C10orf67: variants seen among roughly 807,000 people sequenced by gnomAD.
C10orf67 encodes uncharacterized protein C10orf67, mitochondrial.
A neutral mutation model predicts 35.6 loss-of-function variants in C10orf67; 60 were observed. The observed-to-expected ratio is 1.68, with a 90% CI of 1.37 to 2.09. The LOEUF (loss-of-function observed/expected upper bound fraction) is 2.09. Ranked by LOEUF, C10orf67 falls within the 30% of genes most tolerant of loss-of-function variation. The pLI is 0.00. For synonymous variants in C10orf67, 167 were observed against 115.8 expected (o/e 1.44, Z -2.84); for missense variants, 474 against 330.2 (o/e 1.44, Z -3.38).
In C10orf67 at chr10:23,229,612, T is replaced by G. The variant is rs181553632; in HGVS notation, c.1435-5794A>C. 1.2e-3 allele frequency among the ~76,000 whole-genome samples: 182 copies of G among 152,234 alleles called. 2 individuals are homozygous for G. The highest frequency in any genetic ancestry group is 4.3e-3 in the African/African-American group (178 of 41,562). ...ATAAAAAAAGTTTGTCATTACATAA[T>G]GGTAAAATGTTCAATTTCCCAGGAA... On this transcript the variant is annotated intron_variant, in intron 13 of 15. Coordinates refer to ENST00000636213, the MANE Select transcript of C10orf67 (RefSeq NM_001371909.1).
chr10:23,276,609 T>C (rs1177136334), intron 8 of C10orf67, among the ~76,000 whole-genome samples: 31 of 152,160 alleles, frequency 2.0e-4, no homozygotes, highest in Admixed American at 2.0e-3. Flanking sequence ...CTGTTAATTT[T>C]CTTCTTGTAA....
intron 9 of C10orf67, among the ~76,000 whole-genome samples, chr10:23,266,954 A>G (rs940763724): frequency 6.6e-6 from 1 of 152,170 alleles, no homozygotes; most frequent in African/African-American, 2.4e-5. Flanking sequence ...TGTGTTGCGC[A>G]GGCTGGTCTT....
chr10:23,326,867 C>T (rs981648275), intron 2 of C10orf67, among the ~76,000 whole-genome samples: 5 of 151,828 alleles, frequency 3.3e-5, no homozygotes, highest in African/African-American at 4.8e-5. Context: ...TGGGAAAGAA[C>T]GATGAGCAAA....
At chr10:23,301,633 T>C (rs530645674) in intron 5 of C10orf67, among the ~76,000 whole-genome samples, 3 of 152,104 alleles carry the variant, frequency 2.0e-5, no homozygotes, top group African/African-American at 7.2e-5. Context: ...TGTTCTCTGA[T>C]CTGGGGTTCT....
At chr10:23,225,219 A>C (rs1212797022) in intron 13 of C10orf67, among the ~76,000 whole-genome samples, 1 of 152,220 alleles carries the variant, frequency 6.6e-6, no homozygotes, top group Non-Finnish European at 1.5e-5. Context: ...AATATTCAAC[A>C]TTCTTAAAGA....
chr10:23,343,641 G>A (rs951927944), intron 1 of C10orf67, among the ~76,000 whole-genome samples: 2 of 152,192 alleles, frequency 1.3e-5, no homozygotes, highest in Admixed American at 1.3e-4. Flanking sequence ...AGAGCAGTCA[G>A]TCGCCTAACT....
rs7091073 is a variant in C10orf67, at chr10:23,216,301, A to G, written c.1570+7297T>C. Among the ~76,000 whole-genome samples, 854 of 152,344 alleles carry G rather than the reference A, an allele frequency of 5.6e-3. 6 individuals carry two copies. Among genetic ancestry groups the G allele is most frequent in the African/African-American group, 0.019 (805 of 41,596 alleles). The stretch of plus-strand genomic sequence containing the variant: ...TTAGTTATCAGGGAATTTCAAAAAA[A>G]GAATAAAATGCAAATTCACACCCAT... On this transcript the variant is annotated intron_variant, in intron 15 of 15. Coordinates refer to ENST00000636213, the MANE Select transcript of C10orf67 (RefSeq NM_001371909.1).
chr10:23,304,886 T>C (rs1844217298), intron 4 of C10orf67, among the ~76,000 whole-genome samples: 1 of 152,210 alleles, frequency 6.6e-6, no homozygotes. Flanking sequence ...AGTTTATTCT[T>C]TCCAGGGGCC....
intron 8 of C10orf67, among the ~76,000 whole-genome samples, chr10:23,269,558 T>C (rs1461095903): frequency 6.6e-6 from 1 of 152,064 alleles, no homozygotes; most frequent in Admixed American, 6.6e-5. Context: ...ATAGTAACAG[T>C]GAATGATGAA....
intron 10 of C10orf67, among the ~76,000 whole-genome samples, chr10:23,251,467 G>A (rs1339681241): frequency 6.6e-5 from 10 of 152,134 alleles, no homozygotes; most frequent in African/African-American, 2.4e-4. Context: ...TATCAATAAT[G>A]TTTATATTTT....
At chr10:23,251,464 A>T (rs1228105534) in intron 10 of C10orf67, among the ~76,000 whole-genome samples, 1 of 152,228 alleles carries the variant, frequency 6.6e-6, no homozygotes, top group Non-Finnish European at 1.5e-5. Flanking sequence ...ATTTATCAAT[A>T]ATGTTTATAT....
chr10:23,237,044 C>G (rs371627994), intron 13 of C10orf67, among the ~76,000 whole-genome samples: 1 of 152,106 alleles, frequency 6.6e-6, no homozygotes, highest in African/African-American at 2.4e-5. Flanking sequence ...TCTCCTCCCA[C>G]CTCCACCCTC....
intron 12 of C10orf67, among the ~76,000 whole-genome samples, chr10:23,241,043 G>C (rs1457428817): frequency 6.6e-6 from 1 of 152,208 alleles, no homozygotes; most frequent in Non-Finnish European, 1.5e-5. Context: ...CTCAGTAGTA[G>C]TGCTTTGGGC....
At chr10:23,208,928 G>A (rs530621602) in intron 15 of C10orf67, among the ~76,000 whole-genome samples, 1 of 152,036 alleles carries the variant, frequency 6.6e-6, no homozygotes, top group East Asian at 1.9e-4. Flanking sequence ...AGGGACATGA[G>A]GTCTGGTTAC....
At chr10:23,343,311 G>A (rs919196724) in intron 1 of C10orf67, among the ~76,000 whole-genome samples, 4 of 152,194 alleles carry the variant, frequency 2.6e-5, no homozygotes, top group African/African-American at 9.6e-5. Context: ...GGGTGGGAGC[G>A]GGTGTGGGGG....
rs1279652483 is a variant in C10orf67, at chr10:23,223,622, C to T, written c.1546G>A (p.Ala516Thr). 1.4e-6 allele frequency: 1 copy of T among 717,364 alleles called. No individual in the cohort carries two copies. Among genetic ancestry groups the T allele is most frequent in the African/African-American group, 1.7e-5 (1 of 57,202 alleles). The allele number at this position is 717,364 out of a possible 1,614,324, so 44.4% of individuals were successfully genotyped here. A position where few individuals can be genotyped will look rare whatever the true frequency, so the allele number is the denominator to read the frequency against. The change falls in exon 15 of 16, where the codon GCA becomes ACA. Residue 516 changes from alanine (A) to threonine (T), a missense_variant. Physicochemically the swap from Ala to Thr is moderately conservative, Grantham distance 58. Transcript: ENST00000636213. ...CCTTTTGGTGAAAGTTGAAGGGCTGCCTGATCACTGACTACATCCACATGC... is the reference window on the plus strand; with the variant it reads ...CCTTTTGGTGAAAGTTGAAGGGCTGTCTGATCACTGACTACATCCACATGC... ...GKHVDVVSDQ[A>T]ALQLSPKGKL... is the part of the protein sequence containing the mutation.
At chr10:23,263,750 G>A (rs189330277) in intron 10 of C10orf67, among the ~76,000 whole-genome samples, 2 of 152,334 alleles carry the variant, frequency 1.3e-5, no homozygotes, top group Admixed American at 6.5e-5. Context: ...AGGGTCGGGA[G>A]AGGAAAACCT....
At chr10:23,314,791 C>T (rs2132317019) in intron 4 of C10orf67, among the ~76,000 whole-genome samples, 1 of 152,298 alleles carries the variant, frequency 6.6e-6, no homozygotes, top group East Asian at 1.9e-4. Context: ...CATAGCCTCT[C>T]ACATAGCCAA....
intron 5 of C10orf67, among the ~76,000 whole-genome samples, chr10:23,298,366 T>C (rs1326817566): frequency 6.6e-6 from 1 of 152,162 alleles, no homozygotes. Flanking sequence ...CAGACCTGTG[T>C]GAGGACTCCT....
Sources: gnomAD v4.1 joint callset for allele counts (sites outside exome capture counted in the v4.1 genomes callset) on GRCh38, gnomAD v4.1.1 for gene constraint, MANE v1.5 for transcripts, NCBI Gene and HGNC (gene_info 2026-07-23, HGNC 2026-07-21) for gene names.